PCM1: variants seen among roughly 807,000 people sequenced by gnomAD.
PCM1 encodes the protein pericentriolar material 1 protein.
PCM1 carries 157 observed loss-of-function variants against 241.9 expected under a neutral mutation model. The observed-to-expected ratio is 0.65, with a 90% CI of 0.57 to 0.74. The LOEUF is 0.74. PCM1 is among the 30% of genes least tolerant of loss of function. The pLI, the probability that PCM1 is intolerant of heterozygous loss-of-function variation, is 0.00. For synonymous variants in PCM1, 1,085 were observed against 784.9 expected (o/e 1.38, Z -6.39); for missense variants, 3,478 against 2,360.1 (o/e 1.47, Z -9.81).
At chr8:17,999,716 G>T (rs1220950129) in intron 29 of PCM1, among the ~76,000 whole-genome samples, 1 of 152,110 alleles carries the variant, frequency 6.6e-6, no homozygotes, top group African/African-American at 2.4e-5. Flanking sequence ...TACCATGATT[G>T]CTCACCTGGT....
chr8:17,930,749 G>T (rs897568269), intron 2 of PCM1, among the ~76,000 whole-genome samples: 4 of 151,894 alleles, frequency 2.6e-5, no homozygotes, highest in Non-Finnish European at 4.4e-5. Context: ...GCGTGGTGGC[G>T]GGTGCCTGTA....
In PCM1 at chr8:17,972,625, C is replaced by T. The variant is rs1257647380; in HGVS notation, c.3881C>T (p.Thr1294Ile). ...GCCAGCCTGGCATCTAAAGATAAAACTCCCAAGTCAAAAAGTAAGAAGAGG... is the reference window on the plus strand; with the variant it reads ...GCCAGCCTGGCATCTAAAGATAAAATTCCCAAGTCAAAAAGTAAGAAGAGG... ...AQASLASKDK[T>I]PKSKSKKRNS... Residue 1294 changes from threonine (T) to isoleucine (I), a missense_variant, in exon 23 of 39, where the codon ACT becomes ATT. By Grantham distance (89) the Thr-to-Ile change is moderately conservative. Coordinates refer to ENST00000325083, the MANE Select transcript of PCM1 (RefSeq NM_006197.4). 1.9e-6 allele frequency: 3 copies of T among 1,583,786 alleles called. No homozygotes were observed. The highest frequency in any genetic ancestry group is 2.6e-6 in the Non-Finnish European group (3 of 1,169,440).
At chr8:17,960,222 A>T (rs1357775266) in intron 14 of PCM1, 57 bp downstream of exon 14, 15 of 1,554,700 alleles carry the variant, frequency 9.6e-6, no homozygotes, top group Non-Finnish European at 8.7e-7. Flanking sequence ...CCTGTTTTGG[A>T]GAAGGTGCTC....
chr8:18,011,598 C>A, intron 33 of PCM1, 69 bp from the exon 34 acceptor site: 1 of 1,368,748 alleles, frequency 7.3e-7, no homozygotes, highest in Non-Finnish European at 1.0e-6. Flanking sequence ...TGCAGGAATG[C>A]AGTAAGTGGT....
rs1587958149 is a variant in PCM1, at chr8:17,990,032, G to A, written c.4531+53G>A. 4.3e-6 allele frequency: 6 copies of A among 1,407,684 alleles called. No homozygotes were observed. In the East Asian group the frequency reaches 1.6e-4, roughly 37 times the overall value. The allele number at this position is 1,407,684 out of a possible 1,614,324, so 87.2% of individuals were successfully genotyped here. A position where few individuals can be genotyped will look rare whatever the true frequency, so the allele number is the denominator to read the frequency against. On this transcript the variant is annotated intron_variant, in intron 27 of 38. Coordinates refer to ENST00000325083, the MANE Select transcript of PCM1 (RefSeq NM_006197.4). ...AACAACTTTAAGTTGATCTGGTCCA[G>A]TCTTTGAATTGGCGTTGATAAGGAA...
At chr8:17,932,456 A>T (rs1244313751) in intron 2 of PCM1, among the ~76,000 whole-genome samples, 1 of 152,190 alleles carries the variant, frequency 6.6e-6, no homozygotes, top group Non-Finnish European at 1.5e-5. Flanking sequence ...TATGTAATTT[A>T]TATGAAAGTT....
chr8:17,983,776 A>G (rs1284369233), intron 24 of PCM1, among the ~76,000 whole-genome samples: 1 of 152,166 alleles, frequency 6.6e-6, no homozygotes, highest in Non-Finnish European at 1.5e-5. Flanking sequence ...AAGTATTCTC[A>G]TTAAATGTGG....
At chr8:17,938,659 G>T in intron 4 of PCM1, 81 bp from the exon 5 acceptor site, 1 of 961,564 alleles carries the variant, frequency 1.0e-6, no homozygotes. Flanking sequence ...ATCTGATGGC[G>T]AAACTAAGAA....
At chr8:17,983,168 A>G (rs2081499341) in intron 24 of PCM1, 1 of 774,242 alleles carries the variant, frequency 1.3e-6, no homozygotes, top group Non-Finnish European at 1.9e-6. Flanking sequence ...TATTCATGTT[A>G]TAGACCCTGT....
At position 17,964,670 on chromosome 8, in the gene PCM1, G is replaced by A; in HGVS notation, c.2757G>A (p.Glu919=). 3 of 1,613,862 alleles carry A rather than the reference G, an allele frequency of 1.9e-6. No individual in the cohort carries two copies. Among genetic ancestry groups the A allele is most frequent in the South Asian group, 2.2e-5 (2 of 91,076 alleles). The change falls in exon 18 of 39, where the codon GAG becomes GAA. Residue 919 remains glutamate, a synonymous_variant. Transcript: ENST00000325083. ...SEGIVRTDEE[E]EEEQDASSND... The stretch of plus-strand genomic sequence containing the variant: ...GAATTGTTCGGACAGATGAAGAGGA[G>A]GAAGAAGAGCAAGATGCCAGTTCCA...
At chr8:18,008,753 C>T (rs1289937978) in intron 30 of PCM1, among the ~76,000 whole-genome samples, 4 of 152,108 alleles carry the variant, frequency 2.6e-5, no homozygotes, top group Non-Finnish European at 4.4e-5. Context: ...GTAAAGGAGG[C>T]AGTTAATCTG....
At chr8:17,991,238 T>G (rs563588589) in intron 27 of PCM1, among the ~76,000 whole-genome samples, 1 of 152,254 alleles carries the variant, frequency 6.6e-6, no homozygotes, top group African/African-American at 2.4e-5. Context: ...GAAATAAATA[T>G]GGGCTTCAGA....
intron 30 of PCM1, 72 bp from the exon 31 acceptor site, chr8:18,009,475 T>C (rs2092119309): frequency 6.3e-6 from 6 of 948,940 alleles, no homozygotes; most frequent in Non-Finnish European, 8.0e-6. Context: ...AGTTTTTCAG[T>C]ACTTAAAAGT....
chr8:17,994,577 A>G (rs2085914747), intron 29 of PCM1, among the ~76,000 whole-genome samples: 1 of 152,154 alleles, frequency 6.6e-6, no homozygotes, highest in South Asian at 2.1e-4. Flanking sequence ...ATCATATGGT[A>G]GCTCTTGCTG....
intron 31 of PCM1, 67 bp downstream of exon 31, chr8:18,009,811 T>G: frequency 5.0e-6 from 5 of 1,002,256 alleles, no homozygotes; most frequent in Non-Finnish European, 6.8e-6. Flanking sequence ...TCATTATTAT[T>G]AACTGAAATC....
chr8:17,955,032 C>A (rs1563877943), intron 9 of PCM1, among the ~76,000 whole-genome samples: 1 of 152,086 alleles, frequency 6.6e-6, no homozygotes, highest in Non-Finnish European at 1.5e-5. Flanking sequence ...TACAGCTACC[C>A]TGTAAAGATT....
chr8:18,006,033 A>C, intron 29 of PCM1: 1 of 414,450 alleles, frequency 2.4e-6, no homozygotes, highest in Middle Eastern at 6.4e-4. Flanking sequence ...CAGTTCTTTT[A>C]CTGGCCATCA....
At chr8:17,954,452 A>G (rs2067272838) in intron 9 of PCM1, among the ~76,000 whole-genome samples, 1 of 152,098 alleles carries the variant, frequency 6.6e-6, no homozygotes, top group Admixed American at 6.5e-5. Flanking sequence ...AGAAAAGAAA[A>G]AAACAACTTA....
At position 17,955,756 on chromosome 8, in the gene PCM1, T is replaced by C. The variant is rs138487977; in HGVS notation, c.1472+103T>C. On this transcript the variant is annotated intron_variant, in intron 10 of 38. Transcript: ENST00000325083. The stretch of plus-strand genomic sequence containing the variant: ...TCTGCAAAACGAGATTTATTTAATA[T>C]TGTTGTAAACATTCTTAAGGGATAG... 2.0e-3 allele frequency: 1,829 copies of C among 896,476 alleles called. 15 individuals are homozygous for C. In the African/African-American group the frequency reaches 0.024, roughly 12 times the overall value. The allele number at this position is 896,476 out of a possible 1,614,324, so 55.5% of individuals were successfully genotyped here.
Sources: gnomAD v4.1 joint callset for allele counts (sites outside exome capture counted in the v4.1 genomes callset) on GRCh38, gnomAD v4.1.1 for gene constraint, MANE v1.5 for transcripts, NCBI Gene and HGNC (gene_info 2026-07-23, HGNC 2026-07-21) for gene names.